TBC1D31: variants seen among roughly 807,000 people sequenced by gnomAD.
TBC1D31 encodes the protein TBC1 domain family member 31.
In TBC1D31, 99 loss-of-function variants were observed where a neutral mutation model predicts 132.9. The observed-to-expected ratio is 0.74, with a 90% CI of 0.63 to 0.88. TBC1D31 has a LOEUF of 0.88. TBC1D31 is among the 40% of genes least tolerant of loss of function. The probability of loss-of-function intolerance (pLI) is 0.00; values close to 1 mark genes in which losing one functional copy is unlikely to be tolerated. For synonymous variants in TBC1D31, 385 were observed against 419.4 expected (o/e 0.92, Z 1.00); for missense variants, 1,134 against 1,256.6 (o/e 0.90, Z 1.48).
intron 8 of TBC1D31, 67 bp from the exon 9 acceptor site, chr8:123,109,250 A>G (rs1245987090): frequency 2.6e-6 from 3 of 1,174,424 alleles, no homozygotes; most frequent in South Asian, 2.7e-5. Context: ...TGTGGACTAG[A>G]TTACCTTTGT....
At chr8:123,162,808 T>A in the TBC1D31 span, among the ~76,000 whole-genome samples, 3 of 152,132 alleles carry the variant, frequency 2.0e-5, no homozygotes, top group Non-Finnish European at 4.4e-5. Flanking sequence ...ACGTAATGGC[T>A]TAAACAGCAA....
rs35381039 is a variant in TBC1D31, at chr8:123,142,497, A to ATTT, written c.2835+55_2835+57dup. The ATTT allele has an allele frequency of 1.9e-3, 2,073 of 1,111,336 alleles. 1 individual carries two copies. Among genetic ancestry groups the ATTT allele is most frequent in the African/African-American group, 4.6e-3 (272 of 59,522 alleles). 68.8% of individuals were successfully genotyped at this position (1,111,336 alleles called of 1,614,324 possible). ...ATAAACTTTTTAATATCAAGCATTG[A>ATTT]TTTTTTTTTTTTTTTTAAAAGACAG... On this transcript the variant is annotated intron_variant, in intron 19 of 21. Coordinates refer to ENST00000287380, the MANE Select transcript of TBC1D31 (RefSeq NM_145647.4).
intron 10 of TBC1D31, among the ~76,000 whole-genome samples, chr8:123,112,013 G>C (rs1464411622): frequency 1.3e-5 from 2 of 151,960 alleles, no homozygotes; most frequent in Non-Finnish European, 2.9e-5. Flanking sequence ...GCCATGCCTG[G>C]CTAGTTTATT....
At chr8:123,154,640 G>A (rs1239913013), downstream of TBC1D31, among the ~76,000 whole-genome samples, 2 of 152,190 alleles carry the variant, frequency 1.3e-5, no homozygotes, top group Non-Finnish European at 2.9e-5. Context: ...AGGCAAACAG[G>A]CCAGCAGGCA....
At chr8:123,118,576 A>G (rs1819172750) in intron 10 of TBC1D31, among the ~76,000 whole-genome samples, 1 of 152,204 alleles carries the variant, frequency 6.6e-6, no homozygotes, top group Admixed American at 6.5e-5. Context: ...TGTAAAACTG[A>G]AAAAACATAT....
rs542758418 is a variant in TBC1D31, at chr8:123,095,649, C to G, written c.672-1633C>G. Among the ~76,000 whole-genome samples, 126 of 152,286 alleles carry G rather than the reference C, an allele frequency of 8.3e-4. 2 individuals are homozygous for G. The highest frequency in any genetic ancestry group is 3.4e-3 in the Middle Eastern group (1 of 294). ...TCTCATCTTTGACTAATAGGATCCT[C>G]TTTTCGCTGACTTTGGCATCCTTTT... On this transcript the variant is annotated intron_variant, in intron 5 of 21. Coordinates refer to ENST00000287380, the MANE Select transcript of TBC1D31 (RefSeq NM_145647.4).
At chr8:123,086,530 C>G (rs527797183) in intron 4 of TBC1D31, among the ~76,000 whole-genome samples, 7 of 152,178 alleles carry the variant, frequency 4.6e-5, no homozygotes, top group African/African-American at 1.7e-4. Flanking sequence ...TTGGCTGTCC[C>G]ACCCTTTTGG....
At chr8:123,123,091 A>G (rs1205405947) in intron 11 of TBC1D31, 2 of 152,244 alleles carry the variant, frequency 1.3e-5, no homozygotes, top group Non-Finnish European at 2.9e-5. Flanking sequence ...CTTGCTGAGG[A>G]AAAAGAACTA....
chr8:123,098,515 T>A (rs564118903), intron 6 of TBC1D31, among the ~76,000 whole-genome samples: 28 of 152,344 alleles, frequency 1.8e-4, no homozygotes, highest in African/African-American at 6.3e-4. Context: ...CTGGCCAGGC[T>A]GACCTCAAGT....
chr8:123,137,291 C>G (rs1036430969), intron 17 of TBC1D31, among the ~76,000 whole-genome samples: 4 of 152,166 alleles, frequency 2.6e-5, no homozygotes, highest in African/African-American at 7.2e-5. Flanking sequence ...GCAAAGATTG[C>G]TATAAAGATT....
intron 12 of TBC1D31, 101 bp from the exon 13 acceptor site, chr8:123,126,407 T>G: frequency 1.6e-6 from 2 of 1,228,158 alleles, no homozygotes; most frequent in South Asian, 3.2e-5. Flanking sequence ...ATGTATTTAA[T>G]ATGATTTTCA....
chr8:123,111,600 C>G (rs1563713787), intron 10 of TBC1D31, among the ~76,000 whole-genome samples: 1 of 151,856 alleles, frequency 6.6e-6, no homozygotes, highest in African/African-American at 2.4e-5. Context: ...GTATTTTTTT[C>G]TTATGCTAAA....
chr8:123,101,717 T>G (rs1817439486), intron 7 of TBC1D31, among the ~76,000 whole-genome samples: 1 of 152,108 alleles, frequency 6.6e-6, no homozygotes, highest in Non-Finnish European at 1.5e-5. Context: ...CCAGCCCAAC[T>G]TCTTAAATTT....
intron 10 of TBC1D31, among the ~76,000 whole-genome samples, chr8:123,117,146 C>G (rs1330148165): frequency 6.6e-6 from 1 of 152,050 alleles, no homozygotes; most frequent in Non-Finnish European, 1.5e-5. Context: ...GAAACCGTAT[C>G]TCTATTAAAA....
intron 2 of TBC1D31, among the ~76,000 whole-genome samples, chr8:123,082,082 G>GC (rs752093567): frequency 1.1e-4 from 16 of 152,226 alleles, no homozygotes; most frequent in East Asian, 1.9e-4. Context: ...TTTCACAAGG[G>GC]CCTTAAACAA....
chr8:123,149,958 T>G (rs1337881923), intron 20 of TBC1D31, 78 bp from the exon 21 acceptor site: 41 of 999,698 alleles, frequency 4.1e-5, no homozygotes, highest in Non-Finnish European at 5.9e-5. Flanking sequence ...GATTGTAACT[T>G]ACTAGGGACC....
chr8:123,115,169 A>G (rs2130625385), intron 10 of TBC1D31, among the ~76,000 whole-genome samples: 1 of 152,362 alleles, frequency 6.6e-6, no homozygotes, highest in South Asian at 2.1e-4. Flanking sequence ...AACCCTGGGA[A>G]ATGCCAGTGT....
At chr8:123,150,479 C>T (rs1822663850) in intron 21 of TBC1D31, among the ~76,000 whole-genome samples, 1 of 152,326 alleles carries the variant, frequency 6.6e-6, no homozygotes, top group Admixed American at 6.5e-5. Flanking sequence ...AAAAAAATCT[C>T]AGCGTTGTTT....
chr8:123,151,926 T>C lies in TBC1D31; in HGVS notation c.3188T>C (p.Leu1063Pro), dbSNP rs2130997929. The C allele has an allele frequency of 2.6e-6, 4 of 1,545,614 alleles. No individual in the cohort carries two copies. In the South Asian group the frequency reaches 5.2e-5, roughly 20 times the overall value. ...CGTCACAGATGTCAAACCCCTCATCTTTTGGCTGCATAGAATGCATGTCAC... is the reference window on the plus strand; with the variant it reads ...CGTCACAGATGTCAAACCCCTCATCCTTTGGCTGCATAGAATGCATGTCAC... The part of the protein sequence containing the change: ...RARHRCQTPH[L>P]LAA The change falls in exon 22 of 22, where the codon CTT (leucine) becomes CCT (proline). Residue 1063 changes from leucine to proline, a missense_variant. By Grantham distance (98) the Leu-to-Pro change is moderately conservative. Coordinates refer to ENST00000287380, the MANE Select transcript of TBC1D31 (RefSeq NM_145647.4).
Sources: allele counts gnomAD v4.1 joint callset (sites outside exome capture counted in the v4.1 genomes callset), GRCh38; gene constraint gnomAD v4.1.1; transcripts MANE v1.5; gene names NCBI Gene and HGNC (gene_info 2026-07-23, HGNC 2026-07-21).